Variants in MYH1 observed in about 807,000 individuals in gnomAD.
MYH1 encodes myosin heavy chain 1, also known as myosin-1.
MYH1 carries 214 observed loss-of-function variants against 225.6 expected under a neutral mutation model. That is an observed-to-expected ratio of 0.95 (90% CI 0.85 to 1.06). The LOEUF (loss-of-function observed/expected upper bound fraction) is 1.06, where lower values mean the gene tolerates loss of function less well. Ranked by LOEUF, MYH1 falls within the 50% of genes least tolerant of loss-of-function variation. MYH1 has a pLI of 0.00. For missense variants in MYH1, 2,098 were observed against 2,344.2 expected (o/e 0.89, Z 2.17); for synonymous variants, 774 against 842.3 (o/e 0.92, Z 1.40).
In MYH1 at chr17:10,516,282, C is replaced by T. The variant is rs755063823; in HGVS notation, c.265G>A (p.Glu89Lys). 6.2e-6 allele frequency: 10 copies of T among 1,613,862 alleles called. No homozygotes were observed. In the Middle Eastern group the frequency reaches 4.9e-4, roughly 80 times the overall value. ...AGATGAGTCATCATGGCCATGTCCT[C>T]GATCTTGTCATATTTGGGAGGGTTC... is the stretch of plus-strand genomic sequence containing the variant. ...PMNPPKYDKI[E>K]DMAMMTHLHE... Residue 89 changes from glutamate to lysine, a missense_variant, in exon 4 of 40, where the codon GAG (glutamate) becomes AAG (lysine). Physicochemically the swap from Glu to Lys is moderately conservative, Grantham distance 56 (BLOSUM62 1). Transcript: ENST00000226207.
chr17:10,511,233 G>T (rs1279366121), intron 14 of MYH1, among the ~76,000 whole-genome samples: 1 of 151,148 alleles, frequency 6.6e-6, no homozygotes. Flanking sequence ...TTCCTAAGCT[G>T]TGTAGCAGGT....
rs763430162 is a variant in MYH1, at chr17:10,501,273, G to T, written c.3575C>A (p.Thr1192Lys). The T allele has an allele frequency of 4.3e-6, 7 of 1,614,196 alleles. No homozygotes were observed. In the South Asian group the frequency reaches 5.5e-5, roughly 13 times the overall value. Residue 1192 changes from threonine to lysine, a missense_variant, in exon 27 of 40, where the codon ACG (threonine) becomes AAG (lysine). Physicochemically the swap from Thr to Lys is moderately conservative, Grantham distance 78 (BLOSUM62 -1). Coordinates refer to ENST00000226207, the MANE Select transcript of MYH1 (RefSeq NM_005963.4). ...ATGCTTCTTCCTCAGGGTGGCCGCC[G>T]TGGCTTCATGCTGTAGGGTGGCCTC... Reference protein sequence around the residue: ...LEEATLQHEATAATLRKKHAD... With the variant: ...LEEATLQHEAKAATLRKKHAD...
chr17:10,510,215 A>G (rs2073157922), intron 14 of MYH1, among the ~76,000 whole-genome samples: 1 of 152,084 alleles, frequency 6.6e-6, no homozygotes, highest in South Asian at 2.1e-4. Context: ...TTTCTTAATG[A>G]TTATGATTAT....
At chr17:10,495,665 G>A (rs1416554888) in intron 35 of MYH1, among the ~76,000 whole-genome samples, 1 of 151,028 alleles carries the variant, frequency 6.6e-6, no homozygotes. Flanking sequence ...GGAGGCTGAG[G>A]CAGGAGAATG....
chr17:10,494,774 A>G (rs2072970204), intron 37 of MYH1, 101 bp from the exon 38 acceptor site: 1 of 1,582,732 alleles, frequency 6.3e-7, no homozygotes, highest in African/African-American at 1.4e-5. Context: ...GTAGTTTTTA[A>G]TGCCCTAGTT....
Position 10,512,691 on chromosome 17 carries a change from A to G in MYH1, c.998T>C (p.Met333Thr), listed in dbSNP as rs2073184157. 1.2e-6 allele frequency: 2 copies of G among 1,614,032 alleles called. No individual in the cohort carries two copies. The highest frequency in any genetic ancestry group is 8.5e-7 in the Non-Finnish European group (1 of 1,179,940). The change falls in exon 11 of 40, where the codon ATG becomes ACG. Residue 333 changes from methionine (M) to threonine (T), a missense_variant. By Grantham distance (81) the Met-to-Thr change is moderately conservative. Transcript: ENST00000226207. Reference sequence around the variant, plus strand: ...TCATGTATAACTTACATCTGTAGCCATCAACTCTTCTTGGTCATCAATGCT... The same window carrying G: ...TCATGTATAACTTACATCTGTAGCCGTCAACTCTTCTTGGTCATCAATGCT... ...VPSIDDQEELMATDSAIEILG... is the reference protein window; with the variant it reads ...VPSIDDQEELTATDSAIEILG...
Position 10,495,302 on chromosome 17 carries a change from TG to T in MYH1, c.5184del (p.Asn1729ThrfsTer40). Reference sequence around the variant, plus strand: ...TCTGTCTCCAGCTTCTTCTTGGTGTTGATCAGGCTGGTGTTCTGTTTAAAAT... The same window carrying T: ...TCTGTCTCCAGCTTCTTCTTGGTGTTATCAGGCTGGTGTTCTGTTTAAAAT... ...QLLHTQNTSL[I>X]NTKKKLETDI... On this transcript the variant is annotated frameshift_variant, in exon 36 of 40. Coordinates refer to ENST00000226207, the MANE Select transcript of MYH1 (RefSeq NM_005963.4). LOFTEE classifies it high-confidence loss of function. 6.2e-7 allele frequency: 1 copy of T among 1,614,110 alleles called. No individual in the cohort carries two copies. Among genetic ancestry groups the T allele is most frequent in the Non-Finnish European group, 8.5e-7 (1 of 1,180,016 alleles).
At chr17:10,494,107 CCTT>C (rs1216629358) in intron 39 of MYH1, among the ~76,000 whole-genome samples, 2 of 152,208 alleles carry the variant, frequency 1.3e-5, no homozygotes, top group African/African-American at 4.8e-5. Context: ...GTGCTTTCCT[CCTT>C]TTTTTGTCTG....
Position 10,497,844 on chromosome 17 carries a change from CAA to C in MYH1, c.4253_4254del (p.Leu1418ArgfsTer10), listed in dbSNP as rs2073012518. On this transcript the variant is annotated frameshift_variant, in exon 31 of 40. Coordinates refer to ENST00000226207, the MANE Select transcript of MYH1 (RefSeq NM_005963.4). LOFTEE classifies it high-confidence loss of function. The stretch of plus-strand genomic sequence containing the variant: ...TTCTGGAGCCTCTGCTTCGTCTTCT[CAA>C]GGGAAGCACATTTGGCATTCACAGC... ...VEAVNAKCAS[L>X]EKTKQRLQNE... 1.9e-6 allele frequency: 3 copies of C among 1,613,904 alleles called. No homozygotes were observed.
At chr17:10,495,883 C>G in intron 35 of MYH1, 67 bp downstream of exon 35, 3 of 1,586,136 alleles carry the variant, frequency 1.9e-6, no homozygotes, top group Non-Finnish European at 2.6e-6. Flanking sequence ...CTTAATAGTA[C>G]CACGATTTCA....
Position 10,503,144 on chromosome 17 carries a change from A to G in MYH1, c.2796T>C (p.Asp932=). Residue 932 remains aspartate, a synonymous_variant, in exon 23 of 40, where the codon GAT becomes GAC. Transcript: ENST00000226207. The part of the protein sequence containing the change: ...KIKEVTERAE[D]EEEINAELTA... Reference sequence around the variant, plus strand: ...TCAGCTCAGCATTGATCTCTTCCTCATCCTCAGCTCTCTCAGTCACCTCTT... The same window carrying G: ...TCAGCTCAGCATTGATCTCTTCCTCGTCCTCAGCTCTCTCAGTCACCTCTT... 6.2e-7 allele frequency: 1 copy of G among 1,613,582 alleles called. No homozygotes were observed. Among genetic ancestry groups the G allele is most frequent in the Non-Finnish European group, 8.5e-7 (1 of 1,179,768 alleles).
chr17:10,504,080 A>G (rs2073084500), intron 22 of MYH1, among the ~76,000 whole-genome samples: 1 of 152,224 alleles, frequency 6.6e-6, no homozygotes, highest in South Asian at 2.1e-4. Context: ...TTCTGAATTC[A>G]GAGAACTGGG....
chr17:10,507,707 C>T (rs570239481), intron 17 of MYH1, among the ~76,000 whole-genome samples, 179 bp downstream of exon 17: 2 of 152,234 alleles, frequency 1.3e-5, no homozygotes, highest in Admixed American at 1.3e-4. Flanking sequence ...CTCTTCCAAA[C>T]TATCCCCTCT....
Position 10,494,413 on chromosome 17 carries a change from C to G in MYH1, c.5608G>C (p.Asp1870His). ...EDRKNILRLQ[D>H]LVDKLQAKVK... Reference sequence around the variant, plus strand: ...TTTGCTTGCAGTTTGTCCACCAGGTCCTGGAGCCTGAGAATATTCTTGCGG... The same window carrying G: ...TTTGCTTGCAGTTTGTCCACCAGGTGCTGGAGCCTGAGAATATTCTTGCGG... Residue 1870 changes from aspartate (D) to histidine (H), a missense_variant, in exon 39 of 40, where the codon GAC (aspartate) becomes CAC (histidine). By Grantham distance (81) the Asp-to-His change is moderately conservative. Transcript: ENST00000226207. 6.2e-7 allele frequency: 1 copy of G among 1,614,142 alleles called. No individual in the cohort carries two copies.
At chr17:10,496,199 G>A in intron 34 of MYH1, 42 bp downstream of exon 34, 5 of 1,614,126 alleles carry the variant, frequency 3.1e-6, no homozygotes, top group Non-Finnish European at 4.2e-6. Context: ...CAGGGTTGCA[G>A]GCACCCCAAT....
At position 10,504,860 on chromosome 17, in the gene MYH1, T is replaced by A; in HGVS notation, c.2641A>T (p.Met881Leu). ...EAKRKELEEKMVTLMQEKNDL... is the reference protein window; with the variant it reads ...EAKRKELEEKLVTLMQEKNDL... ...TTTTTTTCTTGCATCAGAGTAACCA[T>A]TTTTTCTTCCAGCTCTTTCCTTTTT... Residue 881 changes from methionine to leucine, a missense_variant, in exon 22 of 40, where the codon ATG becomes TTG. Transcript: ENST00000226207. The A allele has an allele frequency of 1.9e-6, 3 of 1,614,178 alleles. No individual in the cohort carries two copies. Among genetic ancestry groups the A allele is most frequent in the Non-Finnish European group, 2.5e-6 (3 of 1,180,026 alleles).
Position 10,496,249 on chromosome 17 carries a change from T to A in MYH1, c.4957A>T (p.Ile1653Phe). The A allele has an allele frequency of 6.2e-7, 1 of 1,614,180 alleles. No homozygotes were observed. Among genetic ancestry groups the A allele is most frequent in the South Asian group, 1.1e-5 (1 of 91,078 alleles). Reference sequence around the variant, plus strand: ...CTGTTGGACATATTTACCTTGAGGATGGCTTGGGTGTTCCTATAGTTCCTC... The same window carrying A: ...CTGTTGGACATATTTACCTTGAGGAAGGCTTGGGTGTTCCTATAGTTCCTC... ...ALRNYRNTQA[I>F]LKDTQLHLDD... Residue 1653 changes from isoleucine to phenylalanine, a missense_variant, in exon 34 of 40, where the codon ATC (isoleucine) becomes TTC (phenylalanine). Coordinates refer to ENST00000226207, the MANE Select transcript of MYH1 (RefSeq NM_005963.4).
In MYH1 at chr17:10,498,963, G is replaced by C; in HGVS notation, c.3984+11C>G. On this transcript the variant is annotated intron_variant, in intron 29 of 39. Transcript: ENST00000226207. ...AGAACAATAATGACAAGAATGACAAGTGGAGCTTACCTTTATCTCCTCTTC... is the reference window on the plus strand; with the variant it reads ...AGAACAATAATGACAAGAATGACAACTGGAGCTTACCTTTATCTCCTCTTC... 6.2e-7 allele frequency: 1 copy of C among 1,606,596 alleles called. No individual in the cohort carries two copies. Among genetic ancestry groups the C allele is most frequent in the South Asian group, 1.1e-5 (1 of 90,552 alleles).
At chr17:10,507,243 G>C (rs1192490549) in intron 17 of MYH1, among the ~76,000 whole-genome samples, 1 of 151,792 alleles carries the variant, frequency 6.6e-6, no homozygotes, top group Non-Finnish European at 1.5e-5. Context: ...TTATATTTTT[G>C]GTAGAGATGG....
Sources: allele counts gnomAD v4.1 joint callset (sites outside exome capture counted in the v4.1 genomes callset), GRCh38; gene constraint gnomAD v4.1.1; transcripts MANE v1.5; gene names NCBI Gene and HGNC (gene_info 2026-07-23, HGNC 2026-07-21).